ITPR2: variants seen among roughly 807,000 people sequenced by gnomAD.
The protein encoded by ITPR2 is inositol 1,4,5-trisphosphate-gated calcium channel ITPR2.
Under a neutral mutation model 317.1 loss-of-function variants are expected in ITPR2, and 207 were observed. That is an observed-to-expected ratio of 0.65 (90% CI 0.58 to 0.73). The LOEUF (loss-of-function observed/expected upper bound fraction) is 0.73, where lower values mean the gene tolerates loss of function less well. Ranked by LOEUF, ITPR2 falls within the 30% of genes least tolerant of loss-of-function variation. ITPR2 has a pLI of 0.00. For missense variants in ITPR2, 2,613 were observed against 3,284.0 expected (o/e 0.80, Z 4.99); for synonymous variants, 1,156 against 1,149.1 (o/e 1.01, Z -0.12).
intron 2 of ITPR2, among the ~76,000 whole-genome samples, chr12:26,785,607 G>A (rs1592130041): frequency 5.2e-5 from 2 of 38,318 alleles, no homozygotes; most frequent in African/African-American, 1.4e-4. Flanking sequence ...AGGGAGGTGG[G>A]GGGGTCAGCC....
chr12:26,370,820 G>T (rs192515012), intron 55 of ITPR2, among the ~76,000 whole-genome samples: 2 of 152,064 alleles, frequency 1.3e-5, no homozygotes, highest in South Asian at 2.1e-4. Context: ...GATTACAGGC[G>T]CCTGCCACCA....
At chr12:26,832,052 C>T (rs1434979295) in intron 1 of ITPR2, among the ~76,000 whole-genome samples, 1 of 151,970 alleles carries the variant, frequency 6.6e-6, no homozygotes, top group Non-Finnish European at 1.5e-5. Flanking sequence ...AGTTCTAGAA[C>T]CCAGGAAGCC....
chr12:26,568,411 C>A (rs1230942344), intron 34 of ITPR2, among the ~76,000 whole-genome samples: 1 of 151,948 alleles, frequency 6.6e-6, no homozygotes, highest in East Asian at 1.9e-4. Flanking sequence ...TCTTTATTCA[C>A]AATTTTTTTT....
chr12:26,545,027 T>C (rs1185352691), intron 37 of ITPR2, among the ~76,000 whole-genome samples: 2 of 152,178 alleles, frequency 1.3e-5, no homozygotes, highest in Non-Finnish European at 2.9e-5. Context: ...TTTTGTTCTA[T>C]TCATTTGCAT....
chr12:26,734,219 G>C (rs907303295), intron 2 of ITPR2, among the ~76,000 whole-genome samples: 1 of 152,162 alleles, frequency 6.6e-6, no homozygotes, highest in Non-Finnish European at 1.5e-5. Context: ...ATTTAGTCCA[G>C]ATCAACCTGC....
intron 2 of ITPR2, 43 bp from the exon 3 acceptor site, chr12:26,725,808 T>C (rs1386770699): frequency 6.4e-6 from 8 of 1,247,822 alleles, no homozygotes; most frequent in East Asian, 2.3e-5. Flanking sequence ...CTAAGGCTAC[T>C]AGCATTTCTT....
chr12:26,760,599 T>G (rs1949613619), intron 2 of ITPR2, among the ~76,000 whole-genome samples: 1 of 152,192 alleles, frequency 6.6e-6, no homozygotes, highest in Non-Finnish European at 1.5e-5. Context: ...ATCCCTTGTC[T>G]ATAACAAATG....
At chr12:26,347,999 A>G (rs1938360503) in intron 55 of ITPR2, among the ~76,000 whole-genome samples, 1 of 152,244 alleles carries the variant, frequency 6.6e-6, no homozygotes, top group Non-Finnish European at 1.5e-5. Flanking sequence ...AGAATGTGCT[A>G]TCACAAGACC....
chr12:26,414,114 T>C (rs1416222097), intron 51 of ITPR2, among the ~76,000 whole-genome samples: 1 of 151,122 alleles, frequency 6.6e-6, no homozygotes, highest in Non-Finnish European at 1.5e-5. Context: ...TTTATACCTG[T>C]AAAACTCTGG....
Position 26,461,627 on chromosome 12 carries a change from AATATATATATATATATATAT to A in ITPR2, c.6342+13649_6342+13668del, listed in dbSNP as rs754482854. The stretch of plus-strand genomic sequence containing the variant: ...ACAATAAGAAAAAGAAAAGCATATA[AATATATATATATATATATAT>A]ATATATATATATATATATATATATG... On this transcript the variant is annotated intron_variant, in intron 45 of 56. Transcript: ENST00000381340. Among the ~76,000 whole-genome samples the A allele has an allele frequency of 4.7e-4, 23 of 48,736 alleles. 2 individuals are homozygous for A. Among genetic ancestry groups the A allele is most frequent in the East Asian group, 2.4e-3 (3 of 1,230 alleles). 32.0% of individuals were successfully genotyped at this position (48,736 alleles called of 152,430 possible). A position where few individuals can be genotyped will look rare whatever the true frequency, so the allele number is the denominator to read the frequency against.
At chr12:26,781,916 T>C (rs1014310751) in intron 2 of ITPR2, among the ~76,000 whole-genome samples, 2 of 150,756 alleles carry the variant, frequency 1.3e-5, no homozygotes, top group African/African-American at 4.9e-5. Context: ...CTCAAAGTTC[T>C]TCAGCTTTGG....
intron 45 of ITPR2, among the ~76,000 whole-genome samples, chr12:26,474,530 A>T (rs566006841): frequency 2.6e-5 from 4 of 152,172 alleles, no homozygotes; most frequent in Non-Finnish European, 5.9e-5. Context: ...GCGGTGGCTC[A>T]CGCCTGTAAT....
chr12:26,348,519 C>T (rs1032498560), intron 55 of ITPR2, among the ~76,000 whole-genome samples: 16 of 152,138 alleles, frequency 1.1e-4, no homozygotes, highest in Admixed American at 3.9e-4. Flanking sequence ...TAGTGAACAC[C>T]CACCTATATA....
intron 13 of ITPR2, among the ~76,000 whole-genome samples, chr12:26,674,642 A>T (rs954659356): frequency 1.3e-5 from 2 of 152,260 alleles, no homozygotes; most frequent in African/African-American, 2.4e-5. Context: ...ATGGGCAAGG[A>T]CTTCATGTCT....
chr12:26,484,781 C>G (rs566916298), intron 41 of ITPR2, among the ~76,000 whole-genome samples: 255 of 152,124 alleles, frequency 1.7e-3, no homozygotes, highest in African/African-American at 5.7e-3. Flanking sequence ...GCATCATCTC[C>G]GCTCACTGCA....
intron 8 of ITPR2, among the ~76,000 whole-genome samples, chr12:26,714,268 G>A (rs901961642): frequency 6.6e-6 from 1 of 151,948 alleles, no homozygotes; most frequent in Non-Finnish European, 1.5e-5. Context: ...TTTTCAGTTT[G>A]TTCCGTTATT....
intron 37 of ITPR2, among the ~76,000 whole-genome samples, chr12:26,507,082 C>A (rs1943208362): frequency 6.6e-6 from 1 of 152,116 alleles, no homozygotes; most frequent in Admixed American, 6.6e-5. Flanking sequence ...GTCCAGGAGG[C>A]CACATATTTG....
chr12:26,661,299 C>T (rs10842768), intron 15 of ITPR2, among the ~76,000 whole-genome samples: 38,172 of 48,064 alleles, frequency 0.79, 15,500 homozygotes, highest in Admixed American at 0.83. Context: ...TGGGAGGGAA[C>T]GGGCACGTGC....
At chr12:26,714,226 T>C (rs1948698923) in intron 8 of ITPR2, among the ~76,000 whole-genome samples, 1 of 152,226 alleles carries the variant, frequency 6.6e-6, no homozygotes, top group Non-Finnish European at 1.5e-5. Flanking sequence ...CCTAAAGTAT[T>C]ATCCCTACTT....
Sources: gnomAD v4.1 joint callset for allele counts (sites outside exome capture counted in the v4.1 genomes callset) on GRCh38, gnomAD v4.1.1 for gene constraint, MANE v1.5 for transcripts, NCBI Gene and HGNC (gene_info 2026-07-23, HGNC 2026-07-21) for gene names.